The following FUBP3 variants were observed in gnomAD, a reference collection of about 807,000 sequenced individuals.
The protein encoded by FUBP3 is far upstream element-binding protein 3.
In FUBP3, 28 loss-of-function variants were observed where a neutral mutation model predicts 85.6. The ratio of observed to expected loss-of-function variants is 0.33; its 90% CI spans 0.24 to 0.45. The LOEUF is 0.45. FUBP3 is among the 20% of genes least tolerant of loss of function. The probability of loss-of-function intolerance (pLI) is 1.00; values close to 1 mark genes in which losing one functional copy is unlikely to be tolerated. For missense variants in FUBP3, 583 were observed against 755.1 expected (o/e 0.77, Z 2.67); for synonymous variants, 271 against 271.4 (o/e 1.00, Z 0.01).
rs532032799 is a variant in FUBP3, at chr9:130,586,727, A to G, written c.84+6963A>G. ...GGTGGTTGGGTGGTTTTTCATCTCA[A>G]TGAGGTGGCTGAAGCAGCAATCTTT... is the stretch of plus-strand genomic sequence containing the variant. On this transcript the variant is annotated intron_variant, in intron 1 of 18. Coordinates refer to ENST00000319725, the MANE Select transcript of FUBP3 (RefSeq NM_003934.2). Among the ~76,000 whole-genome samples the G allele has an allele frequency of 5.4e-5, 8 of 147,722 alleles. No individual in the cohort carries two copies. The East Asian group carries it at 6.0e-4, about 11-fold the overall frequency.
chr9:130,580,269 A>C (rs561685671), intron 1 of FUBP3, among the ~76,000 whole-genome samples: 1 of 152,310 alleles, frequency 6.6e-6, no homozygotes, highest in African/African-American at 2.4e-5. Context: ...GAGGTGTTAC[A>C]TGTGTGGGGG....
At chr9:130,583,802 G>A (rs908624218) in intron 1 of FUBP3, among the ~76,000 whole-genome samples, 3 of 152,146 alleles carry the variant, frequency 2.0e-5, no homozygotes, top group Non-Finnish European at 4.4e-5. Flanking sequence ...ACTGGGTATT[G>A]GAAAGTAGAT....
Position 130,631,941 on chromosome 9 carries a change from G to A in FUBP3, c.1353-1G>A. 1 of 1,609,044 alleles carries A rather than the reference G, an allele frequency of 6.2e-7. No homozygotes were observed. Among genetic ancestry groups the A allele is most frequent in the Non-Finnish European group, 8.5e-7 (1 of 1,175,310 alleles). On this transcript the variant is annotated splice_acceptor_variant, in intron 14 of 18. Transcript: ENST00000319725. LOFTEE classifies it high-confidence loss of function. Reference sequence around the variant, plus strand: ...CTGTTGTTTCTTTTACCTTTTCCCAGTACCTTTCCTCCAAGGAGCTCCGGG... The same window carrying A: ...CTGTTGTTTCTTTTACCTTTTCCCAATACCTTTCCTCCAAGGAGCTCCGGG...
intron 10 of FUBP3, among the ~76,000 whole-genome samples, chr9:130,623,111 A>T (rs903977129): frequency 6.6e-6 from 1 of 152,136 alleles, no homozygotes; most frequent in Non-Finnish European, 1.5e-5. Flanking sequence ...TGATTTTGCC[A>T]AGTAAAATTT....
intron 5 of FUBP3, among the ~76,000 whole-genome samples, chr9:130,614,064 A>T (rs1831878834): frequency 6.6e-6 from 1 of 152,260 alleles, no homozygotes; most frequent in Admixed American, 6.5e-5. Flanking sequence ...GACCTCTGTC[A>T]CGTCCTTCTA....
intron 12 of FUBP3, among the ~76,000 whole-genome samples, chr9:130,629,557 G>A (rs1271673239): frequency 1.3e-5 from 2 of 152,106 alleles, no homozygotes; most frequent in African/African-American, 2.4e-5. Flanking sequence ...CTACTGGCCC[G>A]ATAGGCTGTT....
At position 130,636,157 on chromosome 9, in the gene FUBP3, C is replaced by T. The variant is rs747128769; in HGVS notation, c.1710+31C>T. On this transcript the variant is annotated intron_variant, in intron 18 of 18. Coordinates refer to ENST00000319725, the MANE Select transcript of FUBP3 (RefSeq NM_003934.2). ...TAGCTGATCACCAGCACCGCTGCCA[C>T]TCCCTAGCCCCGAGCCCCTGCTCCC... is the stretch of plus-strand genomic sequence containing the variant. 3.6e-5 allele frequency: 58 copies of T among 1,606,758 alleles called. No individual in the cohort carries two copies. In the South Asian group the frequency reaches 5.3e-4, roughly 15 times the overall value.
At chr9:130,625,796 A>G (rs1829946818) in intron 11 of FUBP3, among the ~76,000 whole-genome samples, 1 of 152,042 alleles carries the variant, frequency 6.6e-6, no homozygotes, top group African/African-American at 2.4e-5. Flanking sequence ...CTGAATGGTC[A>G]CTCTTGAACC....
In FUBP3 at chr9:130,632,205, T is replaced by C. The variant is rs376361255; in HGVS notation, c.1437T>C (p.Gly479=). The change falls in exon 16 of 19, where the codon GGT becomes GGC. Residue 479 remains glycine (G), a synonymous_variant. Transcript: ENST00000319725. ...NGNPHSTPVS[G]PPAFLTQGWG... is the part of the protein sequence containing the mutation. ...GTGACCCTCTTGTTATCCACAGTGG[T>C]CCTCCGGCCTTTCTGACCCAGGGCT... The C allele has an allele frequency of 4.5e-5, 73 of 1,613,378 alleles. No homozygotes were observed. Among genetic ancestry groups the C allele is most frequent in the Non-Finnish European group, 5.9e-5 (70 of 1,179,478 alleles).
chr9:130,631,048 C>A, intron 13 of FUBP3: 5 of 838,762 alleles, frequency 6.0e-6, no homozygotes, highest in Non-Finnish European at 7.9e-6. Flanking sequence ...CGTTCCCCTG[C>A]GGGCTTAGAT....
intron 9 of FUBP3, among the ~76,000 whole-genome samples, chr9:130,620,809 C>G (rs113404128): frequency 9.0e-4 from 137 of 152,308 alleles, no homozygotes; most frequent in Middle Eastern, 6.8e-3. Flanking sequence ...GCAATGGGGT[C>G]AGAATCTATC....
At chr9:130,633,969 G>T (rs1830315783) in intron 16 of FUBP3, among the ~76,000 whole-genome samples, 1 of 152,192 alleles carries the variant, frequency 6.6e-6, no homozygotes, top group Non-Finnish European at 1.5e-5. Flanking sequence ...ACCTGAGCCA[G>T]CCCCGGCCTG....
In FUBP3 at chr9:130,579,698, G is replaced by A. The variant is rs1830046334; in HGVS notation, c.18G>A (p.Gln6=). 2 of 1,264,004 alleles carry A rather than the reference G, an allele frequency of 1.6e-6. No homozygotes were observed. The highest frequency in any genetic ancestry group is 1.5e-5 in the African/African-American group (1 of 65,514). The allele number at this position is 1,264,004 out of a possible 1,614,324, so 78.3% of individuals were successfully genotyped here. A position where few individuals can be genotyped will look rare whatever the true frequency, so the allele number is the denominator to read the frequency against. MAELV[Q]GQSAPVGMKA... ...GGGCGGTAATGGCGGAGCTGGTGCA[G>A]GGGCAGAGCGCTCCTGTGGGGATGA... Residue 6 remains glutamine (Q), a synonymous_variant, in exon 1 of 19, where the codon CAG becomes CAA. Transcript: ENST00000319725.
At chr9:130,626,213 A>G (rs1251954513) in intron 11 of FUBP3, 151 bp from the exon 12 acceptor site, 1 of 761,236 alleles carries the variant, frequency 1.3e-6, no homozygotes, top group Non-Finnish European at 2.1e-6. Context: ...CTGGCTTGAA[A>G]GAGCCCTTCA....
chr9:130,606,637 A>G (rs1357013511), intron 2 of FUBP3, among the ~76,000 whole-genome samples: 1 of 152,058 alleles, frequency 6.6e-6, no homozygotes, highest in Non-Finnish European at 1.5e-5. Flanking sequence ...CCTGACCAAC[A>G]TGGAGAAACC....
chr9:130,637,870 G>A lies in FUBP3; in HGVS notation c.*848G>A, dbSNP rs562299588. 12 of 152,558 alleles carry A rather than the reference G, an allele frequency of 7.9e-5. No individual in the cohort carries two copies. The highest frequency in any genetic ancestry group is 1.7e-4 in the African/African-American group (7 of 41,510). 9.5% of individuals were successfully genotyped at this position (152,558 alleles called of 1,614,324 possible). ...AACACACACTGTGGAACATTAAACC[G>A]TATAAAAATGTAGTTATAACTATTT... is the stretch of plus-strand genomic sequence containing the variant. On this transcript the variant is annotated 3_prime_UTR_variant, in exon 19 of 19. Transcript: ENST00000319725.
chr9:130,579,624 A>C lies in FUBP3; in HGVS notation c.-57A>C. The C allele has an allele frequency of 5.6e-6, 6 of 1,075,652 alleles. No homozygotes were observed. Among genetic ancestry groups the C allele is most frequent in the Non-Finnish European group, 7.1e-6 (6 of 845,416 alleles). The allele number at this position is 1,075,652 out of a possible 1,614,324, so 66.6% of individuals were successfully genotyped here. Reference sequence around the variant, plus strand: ...AGCGGAGCGGGAGGCCGGACCGGGGAGCCGAGCGGCGGCGTCGGCGGCGTC... The same window carrying C: ...AGCGGAGCGGGAGGCCGGACCGGGGCGCCGAGCGGCGGCGTCGGCGGCGTC... On this transcript the variant is annotated 5_prime_UTR_variant, in exon 1 of 19. Coordinates refer to ENST00000319725, the MANE Select transcript of FUBP3 (RefSeq NM_003934.2).
Position 130,626,518 on chromosome 9 carries a change from T to A in FUBP3, c.1117+13T>A. Reference sequence around the variant, plus strand: ...GTCATAGGCAAAGGTAAGAGGCAGCTGGGGTTTCACATCCCCCCTCAGCTG... The same window carrying A: ...GTCATAGGCAAAGGTAAGAGGCAGCAGGGGTTTCACATCCCCCCTCAGCTG... On this transcript the variant is annotated intron_variant, in intron 12 of 18. Coordinates refer to ENST00000319725, the MANE Select transcript of FUBP3 (RefSeq NM_003934.2). 6.2e-7 allele frequency: 1 copy of A among 1,612,816 alleles called. No homozygotes were observed. Among genetic ancestry groups the A allele is most frequent in the Non-Finnish European group, 8.5e-7 (1 of 1,178,962 alleles).
Position 130,631,104 on chromosome 9 carries a change from G to A in FUBP3, c.1278+316G>A, listed in dbSNP as rs951107813. ...TCCCCCCACGCTGCCCCGGGACTCC[G>A]CTGGCATTGCCCTGGCGGCCAGCCC... On this transcript the variant is annotated intron_variant, in intron 13 of 18. Transcript: ENST00000319725. 6.0e-6 allele frequency: 7 copies of A among 1,157,250 alleles called. No individual in the cohort carries two copies. The African/African-American group carries it at 6.4e-5, about 11-fold the overall frequency. The allele number at this position is 1,157,250 out of a possible 1,614,324, so 71.7% of individuals were successfully genotyped here.
Sources: allele counts gnomAD v4.1 joint callset (sites outside exome capture counted in the v4.1 genomes callset), GRCh38; gene constraint gnomAD v4.1.1; transcripts MANE v1.5; gene names NCBI Gene and HGNC (gene_info 2026-07-23, HGNC 2026-07-21).